Variants in SCLT1 observed in about 807,000 individuals in gnomAD.
SCLT1 encodes the protein sodium channel and clathrin linker 1.
Under a neutral mutation model 112.8 loss-of-function variants are expected in SCLT1, and 78 were observed. The observed-to-expected ratio is 0.69, with a 90% confidence interval of 0.58 to 0.83. The LOEUF (loss-of-function observed/expected upper bound fraction) is 0.83. Among genes scored for constraint, SCLT1 ranks in the 40% least tolerant of loss-of-function variants. The pLI, the probability that SCLT1 is intolerant of heterozygous loss-of-function variation, is 0.00. For synonymous variants in SCLT1, 257 were observed against 254.7 expected (o/e 1.01, Z -0.09); for missense variants, 747 against 770.4 (o/e 0.97, Z 0.36).
intron 2 of SCLT1, among the ~76,000 whole-genome samples, chr4:129,067,844 T>A (rs914468734): frequency 1.3e-5 from 2 of 151,934 alleles, no homozygotes; most frequent in African/African-American, 4.8e-5. Context: ...TTTTTTTTTT[T>A]TAAATGTTAT....
At chr4:128,888,589 A>G in intron 20 of SCLT1, 90 bp downstream of exon 20, 1 of 660,710 alleles carries the variant, frequency 1.5e-6, no homozygotes, top group Non-Finnish European at 2.6e-6. Context: ...ATGTTAATCT[A>G]GTAAAAATAA....
intron 18 of SCLT1, among the ~76,000 whole-genome samples, chr4:128,924,002 C>T (rs867328178): frequency 4.6e-5 from 7 of 151,694 alleles, no homozygotes; most frequent in Non-Finnish European, 8.8e-5. Flanking sequence ...TTTGTAGAGA[C>T]GAGGTCTCAC....
chr4:128,996,767 T>C (rs1427440827), intron 8 of SCLT1, among the ~76,000 whole-genome samples: 1 of 152,118 alleles, frequency 6.6e-6, no homozygotes, highest in Admixed American at 6.6e-5. Context: ...AGCTCTGACC[T>C]GGAACCATGA....
At chr4:128,876,278 CTATT>C (rs556606625) in intron 4 of SCLT1, among the ~76,000 whole-genome samples, 25 of 152,314 alleles carry the variant, frequency 1.6e-4, no homozygotes, top group Non-Finnish European at 2.6e-4. Context: ...TCCTTAGTGA[CTATT>C]TACTTCCATA....
intron 18 of SCLT1, among the ~76,000 whole-genome samples, chr4:128,905,662 C>T (rs1734637525): frequency 6.6e-6 from 1 of 152,202 alleles, no homozygotes; most frequent in Admixed American, 6.5e-5. Context: ...CCCTCACTCA[C>T]TATACTCACT....
intron 18 of SCLT1, among the ~76,000 whole-genome samples, chr4:128,894,038 C>T (rs1289669847): frequency 6.6e-6 from 1 of 152,076 alleles, no homozygotes; most frequent in East Asian, 1.9e-4. Context: ...CTCCCAGGCT[C>T]AGGTGGTCCT....
At chr4:129,021,761 G>T (rs1389176118) in intron 5 of SCLT1, among the ~76,000 whole-genome samples, 1 of 152,218 alleles carries the variant, frequency 6.6e-6, no homozygotes, top group Non-Finnish European at 1.5e-5. Context: ...CCTGCCGGTT[G>T]TGAAGAAAGC....
At chr4:129,075,053 T>C (rs1470419839) in intron 2 of SCLT1, among the ~76,000 whole-genome samples, 1 of 152,122 alleles carries the variant, frequency 6.6e-6, no homozygotes, top group Admixed American at 6.6e-5. Context: ...TGATGGTGTA[T>C]CACAGAAAAA....
At chr4:128,902,977 G>A (rs1406995699) in intron 18 of SCLT1, among the ~76,000 whole-genome samples, 2 of 152,080 alleles carry the variant, frequency 1.3e-5, no homozygotes, top group African/African-American at 2.4e-5. Flanking sequence ...GTCTTCAGGA[G>A]TAATAACACA....
chr4:128,994,622 A>C (rs1042002326), intron 8 of SCLT1, among the ~76,000 whole-genome samples: 1 of 152,126 alleles, frequency 6.6e-6, no homozygotes, highest in Non-Finnish European at 1.5e-5. Context: ...CCGTTTTGCA[A>C]TCCCACCAAA....
chr4:128,999,586 G>C, intron 7 of SCLT1, 86 bp downstream of exon 7: 2 of 845,310 alleles, frequency 2.4e-6, no homozygotes, highest in Non-Finnish European at 3.7e-6. Flanking sequence ...CTATAGGGTA[G>C]AGTCTTAAGC....
At chr4:128,902,724 T>A (rs991642727) in intron 18 of SCLT1, among the ~76,000 whole-genome samples, 2 of 152,228 alleles carry the variant, frequency 1.3e-5, no homozygotes, top group African/African-American at 4.8e-5. Context: ...TAAAAACATA[T>A]TTTTTCTTCA....
chr4:128,876,280 A>G (rs1732517913), intron 4 of SCLT1, among the ~76,000 whole-genome samples: 1 of 152,062 alleles, frequency 6.6e-6, no homozygotes, highest in African/African-American at 2.4e-5. Flanking sequence ...CTTAGTGACT[A>G]TTTACTTCCA....
At chr4:128,930,607 C>T (rs540288315) in intron 18 of SCLT1, among the ~76,000 whole-genome samples, 3 of 152,134 alleles carry the variant, frequency 2.0e-5, no homozygotes, top group South Asian at 2.1e-4. Context: ...CAATAGGACT[C>T]GGTTACTGAA....
chr4:129,028,472 G>A lies in SCLT1; in HGVS notation c.290+10569C>T, dbSNP rs543033997. 8.0e-3 allele frequency among the ~76,000 whole-genome samples: 1,211 copies of A among 152,036 alleles called. 9 individuals carry two copies. The highest frequency in any genetic ancestry group is 0.018 in the African/African-American group (762 of 41,476). On this transcript the variant is annotated intron_variant, in intron 5 of 20. Coordinates refer to ENST00000281142, the MANE Select transcript of SCLT1 (RefSeq NM_144643.4). ...ATGGTGCTGGGAAAACTGGCTAGCC[G>A]TATGTAGAAAGCTGAAACTGGATCC...
chr4:129,010,610 C>G (rs1744434346), intron 5 of SCLT1, among the ~76,000 whole-genome samples: 1 of 151,996 alleles, frequency 6.6e-6, no homozygotes, highest in Non-Finnish European at 1.5e-5. Context: ...TTTTGTGCTT[C>G]TTGTAGAGAG....
intron 2 of SCLT1, among the ~76,000 whole-genome samples, chr4:129,077,837 T>C (rs1177816758): frequency 1.3e-5 from 2 of 152,070 alleles, no homozygotes; most frequent in Admixed American, 6.6e-5. Flanking sequence ...ACCGAAGTAA[T>C]ATATGAGGTA....
chr4:128,991,592 AGAATTG>A, intron 9 of SCLT1, among the ~76,000 whole-genome samples: 1 of 151,894 alleles, frequency 6.6e-6, no homozygotes, highest in Non-Finnish European at 1.5e-5. Flanking sequence ...ATTAATAACC[AGAATTG>A]GAATATATAA....
intron 11 of SCLT1, among the ~76,000 whole-genome samples, chr4:128,960,659 G>A (rs1181258723): frequency 1.3e-5 from 2 of 151,886 alleles, no homozygotes; most frequent in Admixed American, 6.6e-5. Context: ...GGTGGCTCAC[G>A]CCTGTAATCC....
Sources: gnomAD v4.1 joint callset for allele counts (sites outside exome capture counted in the v4.1 genomes callset) on GRCh38, gnomAD v4.1.1 for gene constraint, MANE v1.5 for transcripts, NCBI Gene and HGNC (gene_info 2026-07-23, HGNC 2026-07-21) for gene names.